CRYBG1: variants seen among roughly 807,000 people sequenced by gnomAD.
The protein encoded by CRYBG1 is beta/gamma crystallin domain-containing protein 1.
A neutral mutation model predicts 189.2 loss-of-function variants in CRYBG1; 139 were observed. The observed-to-expected ratio is 0.73, with a 90% CI of 0.64 to 0.85. The LOEUF (loss-of-function observed/expected upper bound fraction) is 0.85, where lower values mean the gene tolerates loss of function less well. Ranked by LOEUF, CRYBG1 falls within the 40% of genes least tolerant of loss-of-function variation. The probability of loss-of-function intolerance (pLI) is 0.00; values close to 1 mark genes in which losing one functional copy is unlikely to be tolerated. For synonymous variants in CRYBG1, 1,023 were observed against 1,017.1 expected (o/e 1.01, Z -0.11); for missense variants, 2,611 against 2,675.8 (o/e 0.98, Z 0.53).
chr6:106,450,300 TA>T (rs1771757777), intron 1 of CRYBG1, among the ~76,000 whole-genome samples: 1 of 152,188 alleles, frequency 6.6e-6, no homozygotes, highest in Non-Finnish European at 1.5e-5. Context: ...CCATATTGAT[TA>T]GATCTTCCTG....
intron 9 of CRYBG1, 91 bp downstream of exon 9, chr6:106,539,620 C>A (rs564637120): frequency 1.4e-6 from 2 of 1,400,620 alleles, no homozygotes; most frequent in Admixed American, 2.4e-5. Context: ...ATAAAGCTGA[C>A]TTTTAAGAAA....
intron 4 of CRYBG1, among the ~76,000 whole-genome samples, chr6:106,523,595 A>G (rs1773658983): frequency 6.6e-6 from 1 of 152,170 alleles, no homozygotes; most frequent in Non-Finnish European, 1.5e-5. Context: ...TGTATATTCA[A>G]TCATGAAGGT....
chr6:106,560,650 CTTT>C (rs1774690888), intron 18 of CRYBG1, among the ~76,000 whole-genome samples, 150 bp from the exon 19 acceptor site: 2 of 152,270 alleles, frequency 1.3e-5, no homozygotes, highest in African/African-American at 4.8e-5. Context: ...GAAATTACTT[CTTT>C]TAAGTGTTCT....
intron 1 of CRYBG1, among the ~76,000 whole-genome samples, chr6:106,422,349 T>TTATTTATTTTTTTTTTTTTTA (rs1771146521): frequency 6.6e-6 from 1 of 151,688 alleles, no homozygotes; most frequent in African/African-American, 2.4e-5. Context: ...TATTTATTTT[T>TTATTTATTTTTTTTTTTTTTA]GAGACATGGT....
chr6:106,529,967 T>C (rs1773840797), intron 7 of CRYBG1, among the ~76,000 whole-genome samples: 1 of 152,244 alleles, frequency 6.6e-6, no homozygotes, highest in South Asian at 2.1e-4. Flanking sequence ...CTGAGTTATA[T>C]AACTAAAGCA....
At position 106,512,214 on chromosome 6, in the gene CRYBG1, C is replaced by G. The variant is rs1328697109; in HGVS notation, c.1097C>G (p.Pro366Arg). The G allele has an allele frequency of 1.3e-6, 2 of 1,536,456 alleles. No homozygotes were observed. The highest frequency in any genetic ancestry group is 1.7e-6 in the Non-Finnish European group (2 of 1,146,812). The change falls in exon 3 of 22, where the codon CCC becomes CGC. Residue 366 changes from proline (P) to arginine (R), a missense_variant. Transcript: ENST00000633556. ...SSAQADCTARPKGHAHPAKVL... is the reference protein window; with the variant it reads ...SSAQADCTARRKGHAHPAKVL... ...GCGCAGGCAGACTGCACAGCCCGCCCCAAGGGTCACGCCCACCCTGCTAAG... is the reference window on the plus strand; with the variant it reads ...GCGCAGGCAGACTGCACAGCCCGCCGCAAGGGTCACGCCCACCCTGCTAAG...
intron 1 of CRYBG1, among the ~76,000 whole-genome samples, chr6:106,377,689 T>C (rs1770200349): frequency 6.6e-6 from 1 of 150,832 alleles, no homozygotes. Flanking sequence ...AAATTTTGTC[T>C]ATTTTTAACC....
chr6:106,480,709 C>G (rs1476041560), intron 2 of CRYBG1, among the ~76,000 whole-genome samples: 1 of 150,648 alleles, frequency 6.6e-6, no homozygotes. Context: ...TGGTAGCTCA[C>G]GCCTATAATC....
chr6:106,401,778 T>G (rs1468594842), intron 1 of CRYBG1, among the ~76,000 whole-genome samples: 5 of 129,936 alleles, frequency 3.8e-5, no homozygotes, highest in Non-Finnish European at 8.0e-5. Flanking sequence ...GGTGTATATG[T>G]GCCACATTTT....
intron 1 of CRYBG1, among the ~76,000 whole-genome samples, chr6:106,444,191 C>G (rs557152375): frequency 6.6e-6 from 1 of 151,640 alleles, no homozygotes; most frequent in South Asian, 2.1e-4. Context: ...GCTACATTTT[C>G]TCTTCTCTGC....
At chr6:106,566,746 T>G (rs1267895526) in intron 21 of CRYBG1, among the ~76,000 whole-genome samples, 13 of 152,072 alleles carry the variant, frequency 8.5e-5, no homozygotes, top group Admixed American at 8.5e-4. Flanking sequence ...CCACACCCCA[T>G]GCAAAGGAAA....
chr6:106,486,368 G>A (rs1772591883), intron 2 of CRYBG1, among the ~76,000 whole-genome samples: 1 of 152,122 alleles, frequency 6.6e-6, no homozygotes, highest in East Asian at 1.9e-4. Context: ...CTTTACATGT[G>A]AAGATCTATC....
At chr6:106,407,299 A>G (rs1033265522) in intron 1 of CRYBG1, among the ~76,000 whole-genome samples, 1 of 152,248 alleles carries the variant, frequency 6.6e-6, no homozygotes, top group Admixed American at 6.5e-5. Context: ...AGAGCACTAC[A>G]TAATGGTAAA....
intron 2 of CRYBG1, among the ~76,000 whole-genome samples, chr6:106,489,678 A>C (rs77793834): frequency 1.4e-5 from 2 of 143,960 alleles, no homozygotes; most frequent in Non-Finnish European, 3.1e-5. Flanking sequence ...AAAAAAAAAA[A>C]TTAGCCGGGG....
At chr6:106,551,542 A>G (rs1698211155) in intron 13 of CRYBG1, among the ~76,000 whole-genome samples, 1 of 152,196 alleles carries the variant, frequency 6.6e-6, no homozygotes, top group African/African-American at 2.4e-5. Flanking sequence ...CAGTAATGGG[A>G]TTGCTGGGTT....
chr6:106,382,329 C>T, intron 1 of CRYBG1, among the ~76,000 whole-genome samples: 1 of 152,130 alleles, frequency 6.6e-6, no homozygotes, highest in East Asian at 1.9e-4. Flanking sequence ...GGAAATTCTT[C>T]TTTTGATAGA....
intron 3 of CRYBG1, among the ~76,000 whole-genome samples, chr6:106,514,565 A>G (rs1000374369): frequency 1.3e-5 from 2 of 152,200 alleles, no homozygotes; most frequent in Admixed American, 1.3e-4. Context: ...TGGGTGAATG[A>G]TGCCTATTAT....
intron 3 of CRYBG1, among the ~76,000 whole-genome samples, chr6:106,517,379 CAT>C (rs1168766104): frequency 4.2e-5 from 3 of 71,926 alleles, no homozygotes; most frequent in Admixed American, 2.5e-4. Flanking sequence ...TACACACACA[CAT>C]ATACACACAT....
chr6:106,431,939 G>A (rs1049451746), intron 1 of CRYBG1, among the ~76,000 whole-genome samples: 1 of 152,130 alleles, frequency 6.6e-6, no homozygotes, highest in South Asian at 2.1e-4. Context: ...AGGCTATGTT[G>A]ACATGGAGGG....
Sources: allele counts gnomAD v4.1 joint callset (sites outside exome capture counted in the v4.1 genomes callset), GRCh38; gene constraint gnomAD v4.1.1; transcripts MANE v1.5; gene names NCBI Gene and HGNC (gene_info 2026-07-23, HGNC 2026-07-21).